Variants in URB1 observed in about 807,000 individuals in gnomAD.
The protein encoded by URB1 is nucleolar pre-ribosomal-associated protein 1.
URB1 carries 197 observed loss-of-function variants against 242.3 expected under a neutral mutation model. The observed-to-expected ratio is 0.81, with a 90% confidence interval of 0.72 to 0.91. The LOEUF (loss-of-function observed/expected upper bound fraction) is 0.91. Ranked by LOEUF, URB1 falls within the 40% of genes least tolerant of loss-of-function variation. URB1 has a pLI of 0.00. For missense variants in URB1, 2,721 were observed against 2,860.5 expected (o/e 0.95, Z 1.11); for synonymous variants, 1,153 against 1,201.8 (o/e 0.96, Z 0.84).
Position 32,347,190 on chromosome 21 carries a change from G to T in URB1, c.3634C>A (p.Pro1212Thr). The change falls in exon 22 of 39, where the codon CCC (proline) becomes ACC (threonine). Residue 1212 changes from proline to threonine, a missense_variant. Coordinates refer to ENST00000382751, the MANE Select transcript of URB1 (RefSeq NM_014825.3). ...HTLQRDPVLA[P>T]AVGADLLDYC... ...TCAAGCAGATCAGCCCCGACTGCGG[G>T]GGCCAGCACAGGGTCTCTCTGCAGA... is the stretch of plus-strand genomic sequence containing the variant. 2 of 1,549,822 alleles carry T rather than the reference G, an allele frequency of 1.3e-6. No homozygotes were observed. The highest frequency in any genetic ancestry group is 1.7e-6 in the Non-Finnish European group (2 of 1,146,590).
chr21:32,374,550 C>T (rs1486524952), intron 6 of URB1, among the ~76,000 whole-genome samples: 1 of 152,222 alleles, frequency 6.6e-6, no homozygotes, highest in Non-Finnish European at 1.5e-5. Context: ...AGCATCCTTG[C>T]TAGCACTGAA....
intron 38 of URB1, among the ~76,000 whole-genome samples, chr21:32,315,315 A>G: frequency 3.7e-5 from 1 of 26,900 alleles, no homozygotes; most frequent in South Asian, 1.8e-3. Flanking sequence ...TCTTTTCTTT[A>G]AAAAAAAAAA....
chr21:32,344,848 T>C (rs1419272788), intron 23 of URB1, 92 bp from the exon 24 acceptor site: 7 of 1,382,644 alleles, frequency 5.1e-6, no homozygotes, highest in East Asian at 5.0e-5. Context: ...CCATATGGGA[T>C]AGATGCTGAG....
rs769265814 is a variant in URB1 at position 32,311,733 on chromosome 21, C to T, written c.*3185G>A. On this transcript the variant is annotated 3_prime_UTR_variant, in exon 39 of 39. Coordinates refer to ENST00000382751, the MANE Select transcript of URB1 (RefSeq NM_014825.3). Reference sequence around the variant, plus strand: ...ATGCCCCTGGAGTCACGGCCTCAACCTCCACCTCTGCATCCAGAAGTGCCT... The same window carrying T: ...ATGCCCCTGGAGTCACGGCCTCAACTTCCACCTCTGCATCCAGAAGTGCCT... The T allele has an allele frequency of 1.7e-5, 27 of 1,614,002 alleles. No homozygotes were observed. The highest frequency in any genetic ancestry group is 5.3e-5 in the African/African-American group (4 of 74,938).
chr21:32,339,712 C>T (rs895876179), intron 25 of URB1, among the ~76,000 whole-genome samples: 11 of 151,844 alleles, frequency 7.2e-5, no homozygotes, highest in African/African-American at 2.2e-4. Context: ...AGGATGGTCT[C>T]GATCTTCTGA....
chr21:32,347,629 G>A lies in URB1; in HGVS notation c.3195C>T (p.Asn1065=). The A allele has an allele frequency of 1.9e-6, 3 of 1,551,702 alleles. No individual in the cohort carries two copies. In the South Asian group the frequency reaches 3.6e-5, roughly 18 times the overall value. Residue 1065 remains asparagine (N), a synonymous_variant, in exon 22 of 39, where the codon AAC becomes AAT. Transcript: ENST00000382751. ...LLAASAPILQ[N]IGQLGLLARY... is the part of the protein sequence containing the mutation. ...TGGCCAGAAGGCCCAGCTGCCCAAT[G>A]TTCTGGAGGATCGGGGCACTTGCTG... is the stretch of plus-strand genomic sequence containing the variant.
rs371508254 is a variant in URB1 at position 32,319,928 on chromosome 21, T to C, written c.5595-514A>G. The stretch of plus-strand genomic sequence containing the variant: ...CTCCCAGGCTTATTATAGTAGTTAG[T>C]TCTTTGTAAGACAGAGCCCTCCCGC... On this transcript the variant is annotated intron_variant, in intron 35 of 38. Coordinates refer to ENST00000382751, the MANE Select transcript of URB1 (RefSeq NM_014825.3). Among the ~76,000 whole-genome samples the C allele has an allele frequency of 2.4e-4, 37 of 152,334 alleles. 3 individuals carry two copies. Among genetic ancestry groups the C allele is most frequent in the Admixed American group, 1.6e-3 (25 of 15,298 alleles).
intron 38 of URB1, among the ~76,000 whole-genome samples, chr21:32,315,963 C>T (rs1252306490): frequency 6.6e-6 from 1 of 152,228 alleles, no homozygotes; most frequent in Non-Finnish European, 1.5e-5. Flanking sequence ...GCTTGTGCTA[C>T]TCACTCATTC....
Position 32,359,847 on chromosome 21 carries a change from C to T in URB1, c.1818G>A (p.Leu606=), listed in dbSNP as rs1348073184. ...TGGCCGGCAGCTCCAGGGCCACCTT[C>T]AGCATGTGGTGCTGCAGAATGGGAG... ...EVPPILQHHM[L]KVALELPASK... The change falls in exon 14 of 39, where the codon CTG becomes CTA. Residue 606 remains leucine, a synonymous_variant. Coordinates refer to ENST00000382751, the MANE Select transcript of URB1 (RefSeq NM_014825.3). The T allele has an allele frequency of 6.5e-7, 1 of 1,548,104 alleles. No individual in the cohort carries two copies. The highest frequency in any genetic ancestry group is 1.4e-5 in the African/African-American group (1 of 72,802).
chr21:32,360,207 G>C (rs2033268225), intron 13 of URB1, among the ~76,000 whole-genome samples: 1 of 152,130 alleles, frequency 6.6e-6, no homozygotes. Flanking sequence ...CCCACCAAGT[G>C]CCCTCCAGGG....
chr21:32,334,033 A>AAG, intron 29 of URB1, 130 bp downstream of exon 29: 1 of 1,204,078 alleles, frequency 8.3e-7, no homozygotes, highest in East Asian at 2.6e-5. Context: ...TGGTCTCTAT[A>AAG]CCTTTATATA....
At chr21:32,377,435 T>A in intron 5 of URB1, 3 of 397,024 alleles carry the variant, frequency 7.6e-6, no homozygotes, top group Non-Finnish European at 1.5e-5. Context: ...TGTCACTGAA[T>A]AAAAGGCCAG....
rs1211898350 is a variant in URB1, at chr21:32,363,152, C to CCA, written c.1509+3_1509+4insTG. ...GGAAAGCCCAAACCCAGATCAGAGC[C>CCA]TACCTTGCTCAGGGCTTCTCTGAAG... On this transcript the variant is annotated splice_donor_region_variant and intron_variant, in intron 11 of 38. Coordinates refer to ENST00000382751, the MANE Select transcript of URB1 (RefSeq NM_014825.3). 1.4e-5 allele frequency: 21 copies of CCA among 1,550,800 alleles called. No individual in the cohort carries two copies. Among genetic ancestry groups the CCA allele is most frequent in the Non-Finnish European group, 1.8e-5 (21 of 1,146,762 alleles).
intron 20 of URB1, among the ~76,000 whole-genome samples, chr21:32,349,801 G>C (rs1306756968): frequency 6.6e-6 from 1 of 152,198 alleles, no homozygotes; most frequent in Non-Finnish European, 1.5e-5. Context: ...ATACACTTAA[G>C]AGGGAGGGCT....
chr21:32,379,917 T>C (rs2033504168), intron 4 of URB1, among the ~76,000 whole-genome samples: 1 of 151,248 alleles, frequency 6.6e-6, no homozygotes, highest in African/African-American at 2.4e-5. Context: ...AGGCAGAGGT[T>C]GCAGTGAGCA....
At chr21:32,387,025 A>C (rs1463090393) in intron 1 of URB1, among the ~76,000 whole-genome samples, 1 of 152,178 alleles carries the variant, frequency 6.6e-6, no homozygotes, top group Non-Finnish European at 1.5e-5. Context: ...GCCAAGCATC[A>C]GTTGACATCA....
intron 30 of URB1, among the ~76,000 whole-genome samples, chr21:32,331,821 A>G (rs1307892476): frequency 6.6e-6 from 1 of 152,192 alleles, no homozygotes; most frequent in East Asian, 1.9e-4. Flanking sequence ...GGAGCCCCAA[A>G]TCCCCTGTTG....
intron 36 of URB1, among the ~76,000 whole-genome samples, chr21:32,318,458 C>T (rs1360441981): frequency 2.0e-5 from 3 of 152,198 alleles, no homozygotes; most frequent in African/African-American, 7.2e-5. Flanking sequence ...TCTTAGACAC[C>T]AGCATGTCTT....
At chr21:32,344,385 A>G (rs1390777877) in intron 24 of URB1, among the ~76,000 whole-genome samples, 185 bp downstream of exon 24, 1 of 152,226 alleles carries the variant, frequency 6.6e-6, no homozygotes, top group Non-Finnish European at 1.5e-5. Flanking sequence ...TCCATTCCTG[A>G]TAAAAGATGG....
Sources: allele counts gnomAD v4.1 joint callset (sites outside exome capture counted in the v4.1 genomes callset), GRCh38; gene constraint gnomAD v4.1.1; transcripts MANE v1.5; gene names NCBI Gene and HGNC (gene_info 2026-07-23, HGNC 2026-07-21).